The following SLC16A9 variants were observed in gnomAD, a reference collection of about 807,000 sequenced individuals.
SLC16A9 encodes the protein solute carrier family 16 member 9.
A neutral mutation model predicts 44.3 loss-of-function variants in SLC16A9; 26 were observed. The ratio of observed to expected loss-of-function variants is 0.59; its 90% CI spans 0.43 to 0.81. SLC16A9 has a LOEUF of 0.81. Among genes scored for constraint, SLC16A9 ranks in the 40% least tolerant of loss-of-function variants. The probability of loss-of-function intolerance (pLI) is 0.00; values close to 1 mark genes in which losing one functional copy is unlikely to be tolerated. For synonymous variants in SLC16A9, 230 were observed against 225.1 expected, an observed-to-expected ratio of 1.02 and a Z score of -0.19; for missense variants, 559 against 595.8, an observed-to-expected ratio of 0.94 and a Z score of 0.64.
At chr10:59,696,636 C>A (rs947290617) in intron 1 of SLC16A9, among the ~76,000 whole-genome samples, 4 of 150,270 alleles carry the variant, frequency 2.7e-5, no homozygotes, top group Non-Finnish European at 4.4e-5. Context: ...TCTGCCCGGC[C>A]GCCATCCCAT....
chr10:59,707,275 G>GGAAGGGA (rs1840661084), intron 1 of SLC16A9, among the ~76,000 whole-genome samples: 9 of 62,656 alleles, frequency 1.4e-4, no homozygotes, highest in African/African-American at 6.7e-4. Context: ...GAGGGGAGAG[G>GGAAGGGA]AGGGAAGGGA....
intron 2 of SLC16A9, among the ~76,000 whole-genome samples, chr10:59,673,163 G>C (rs1342474852): frequency 1.3e-5 from 2 of 152,108 alleles, no homozygotes; most frequent in Non-Finnish European, 2.9e-5. Flanking sequence ...TATCACATAG[G>C]TAAAATGGAG....
Position 59,670,512 on chromosome 10 carries a change from A to T in SLC16A9, c.340+2258T>A, listed in dbSNP as rs735433. ...AGTGGATAAAAGAAGGTTAACCCAC[A>T]TGGTCTAACCCCAGAGCCTGCCTGC... On this transcript the variant is annotated intron_variant, in intron 3 of 5. Transcript: ENST00000395348. Among the ~76,000 whole-genome samples, 21 of 152,326 alleles carry T rather than the reference A, an allele frequency of 1.4e-4. No homozygotes were observed. The East Asian group carries it at 4.0e-3, about 29-fold the overall frequency.
rs143114077 is a variant in SLC16A9, at chr10:59,651,763, G to GCA, written c.*1007_*1008dup. The GCA allele has an allele frequency of 0.44, 65,621 of 149,736 alleles. 15,330 individuals carry two copies. Among genetic ancestry groups the GCA allele is most frequent in the Middle Eastern group, 0.57 (164 of 290 alleles). The allele number at this position is 149,736 out of a possible 1,614,324, so 9.3% of individuals were successfully genotyped here. A position where few individuals can be genotyped will look rare whatever the true frequency, so the allele number is the denominator to read the frequency against. ...CCCATGCAGACTTAGAGCATGCATA[G>GCA]CACACACACACACACACACACACAC... On this transcript the variant is annotated 3_prime_UTR_variant, in exon 6 of 6. Coordinates refer to ENST00000395348, the MANE Select transcript of SLC16A9 (RefSeq NM_194298.3).
chr10:59,666,145 A>T (rs1446880030), intron 3 of SLC16A9, among the ~76,000 whole-genome samples: 2 of 152,090 alleles, frequency 1.3e-5, no homozygotes, highest in Non-Finnish European at 2.9e-5. Flanking sequence ...AGAATACAAA[A>T]AATTAGCCAG....
At chr10:59,680,916 G>A (rs1010319135) in intron 2 of SLC16A9, among the ~76,000 whole-genome samples, 2 of 151,932 alleles carry the variant, frequency 1.3e-5, no homozygotes, top group African/African-American at 2.4e-5. Context: ...CCGGGAGGTC[G>A]AGGTTGCAGT....
intron 4 of SLC16A9, 77 bp from the exon 5 acceptor site, chr10:59,654,666 T>C: frequency 1.7e-6 from 2 of 1,189,356 alleles, no homozygotes; most frequent in Non-Finnish European, 2.3e-6. Context: ...CACAATTCAA[T>C]TTATTTTTTA....
intron 3 of SLC16A9, among the ~76,000 whole-genome samples, chr10:59,666,290 C>T (rs1278150809): frequency 1.4e-5 from 2 of 142,426 alleles, no homozygotes; most frequent in East Asian, 4.0e-4. Context: ...CAGAGCGAGA[C>T]TCTGTCTCAA....
At chr10:59,694,813 TATATAC>T (rs1165050746) in intron 1 of SLC16A9, among the ~76,000 whole-genome samples, 2 of 45,780 alleles carry the variant, frequency 4.4e-5, no homozygotes, top group Admixed American at 2.6e-4. Context: ...TATATATATA[TATATAC>T]ACACACACAC....
At chr10:59,697,765 ATAAT>A (rs1313576879) in intron 1 of SLC16A9, among the ~76,000 whole-genome samples, 1 of 150,182 alleles carries the variant, frequency 6.7e-6, no homozygotes, top group Non-Finnish European at 1.5e-5. Flanking sequence ...AAATAAATAA[ATAAT>A]TAAAAAAATA....
At chr10:59,679,234 A>G (rs1374602641) in intron 2 of SLC16A9, among the ~76,000 whole-genome samples, 1 of 152,156 alleles carries the variant, frequency 6.6e-6, no homozygotes. Context: ...ATATCTAGCC[A>G]AAGGGTGTGT....
intron 1 of SLC16A9, among the ~76,000 whole-genome samples, chr10:59,707,184 C>A (rs369148668): frequency 7.0e-6 from 1 of 142,962 alleles, no homozygotes; most frequent in South Asian, 2.2e-4. Flanking sequence ...CTGGTGAAGT[C>A]GAGGCTGCAG....
intron 1 of SLC16A9, among the ~76,000 whole-genome samples, chr10:59,706,445 G>C (rs771515081): frequency 2.6e-5 from 4 of 152,054 alleles, no homozygotes; most frequent in Non-Finnish European, 5.9e-5. Flanking sequence ...ACAATACAGT[G>C]GTTCCTCAGA....
intron 2 of SLC16A9, among the ~76,000 whole-genome samples, chr10:59,678,563 G>T: frequency 2.9e-4 from 1 of 3,404 alleles, no homozygotes; most frequent in African/African-American, 4.9e-4. Context: ...TTGAGACGGA[G>T]TCTCGCTCTG....
chr10:59,684,425 AGGTTCTCC>A, intron 1 of SLC16A9, 98 bp from the exon 2 acceptor site: 1 of 540,520 alleles, frequency 1.9e-6, no homozygotes, highest in Non-Finnish European at 3.1e-6. Flanking sequence ...AAAAAAAAAA[AGGTTCTCC>A]AAAGACATAC....
At chr10:59,696,757 C>T (rs1301382464) in intron 1 of SLC16A9, among the ~76,000 whole-genome samples, 2 of 151,680 alleles carry the variant, frequency 1.3e-5, no homozygotes, top group South Asian at 2.1e-4. Flanking sequence ...CCGGCCGCCC[C>T]GTCTGAGAAG....
At chr10:59,678,540 C>CTTTTTTTTTTTTTTTTTTTTTTT (rs1426559419) in intron 2 of SLC16A9, among the ~76,000 whole-genome samples, 1 of 22,338 alleles carries the variant, frequency 4.5e-5, no homozygotes, top group African/African-American at 9.7e-5. Flanking sequence ...TTTTCTTTTT[C>CTTTTTTTTTTTTTTTTTTTTTTT]TTTTTCTTTT....
At chr10:59,702,850 GA>G (rs1326191805) in intron 1 of SLC16A9, among the ~76,000 whole-genome samples, 1 of 152,086 alleles carries the variant, frequency 6.6e-6, no homozygotes, top group African/African-American at 2.4e-5. Context: ...TGAAATTCAA[GA>G]ACATCCCCAG....
chr10:59,658,415 C>A (rs1411776673), intron 4 of SLC16A9, among the ~76,000 whole-genome samples: 1 of 152,144 alleles, frequency 6.6e-6, no homozygotes, highest in South Asian at 2.1e-4. Context: ...TTTTCATCAA[C>A]GTACTATTAT....
Sources: gnomAD v4.1 joint callset for allele counts (sites outside exome capture counted in the v4.1 genomes callset) on GRCh38, gnomAD v4.1.1 for gene constraint, MANE v1.5 for transcripts, NCBI Gene and HGNC (gene_info 2026-07-23, HGNC 2026-07-21) for gene names.